SLIT3: variants seen among roughly 807,000 people sequenced by gnomAD.
SLIT3 encodes slit guidance ligand 3, also known as slit homolog 3 protein.
In SLIT3, 68 loss-of-function variants were observed where a neutral mutation model predicts 184.0. That is an observed-to-expected ratio of 0.37 (90% CI 0.30 to 0.45). The LOEUF (loss-of-function observed/expected upper bound fraction) is 0.45. Ranked by LOEUF, SLIT3 falls within the 20% of genes least tolerant of loss-of-function variation. The pLI, the probability that SLIT3 is intolerant of heterozygous loss-of-function variation, is 1.00. For synonymous variants in SLIT3, 831 were observed against 828.6 expected, an observed-to-expected ratio of 1.00 and a Z score of -0.05; for missense variants, 1,707 against 2,026.0, an observed-to-expected ratio of 0.84 and a Z score of 3.02.
At chr5:169,224,073 A>G (rs1045159520) in intron 3 of SLIT3, among the ~76,000 whole-genome samples, 2 of 152,228 alleles carry the variant, frequency 1.3e-5, no homozygotes, top group Non-Finnish European at 2.9e-5. Flanking sequence ...CTTTGAAGCT[A>G]AAGAGAGCTG....
chr5:169,126,343 G>A (rs908339036), intron 4 of SLIT3, among the ~76,000 whole-genome samples: 1 of 152,176 alleles, frequency 6.6e-6, no homozygotes, highest in African/African-American at 2.4e-5. Flanking sequence ...AGAGGGAAAG[G>A]AGAAAGAGAG....
chr5:168,968,594 A>C (rs1213240232), intron 4 of SLIT3, among the ~76,000 whole-genome samples: 1 of 152,232 alleles, frequency 6.6e-6, no homozygotes, highest in African/African-American at 2.4e-5. Flanking sequence ...CTGGGGAGAC[A>C]TGACATAAAA....
intron 21 of SLIT3, 32 bp downstream of exon 21, chr5:168,724,384 A>G: frequency 6.3e-7 from 1 of 1,589,576 alleles, no homozygotes; most frequent in South Asian, 1.1e-5. Flanking sequence ...GCAGGGAAAA[A>G]TAAACATCCC....
At chr5:168,807,805 G>A (rs1757023384) in intron 8 of SLIT3, among the ~76,000 whole-genome samples, 1 of 152,176 alleles carries the variant, frequency 6.6e-6, no homozygotes, top group East Asian at 1.9e-4. Flanking sequence ...AAGCCAGAGT[G>A]GGTCTAGCTA....
At chr5:169,146,001 A>G (rs1486213029) in intron 4 of SLIT3, among the ~76,000 whole-genome samples, 1 of 152,320 alleles carries the variant, frequency 6.6e-6, no homozygotes, top group East Asian at 1.9e-4. Context: ...CAGTGAGCCG[A>G]GATCGCACCA....
intron 4 of SLIT3, among the ~76,000 whole-genome samples, chr5:169,107,644 T>C (rs1237442254): frequency 1.3e-5 from 2 of 152,212 alleles, no homozygotes; most frequent in African/African-American, 4.8e-5. Flanking sequence ...CCTGGGAATG[T>C]GCAGAAGGCT....
intron 3 of SLIT3, among the ~76,000 whole-genome samples, chr5:169,226,639 C>T (rs888674662): frequency 4.6e-5 from 7 of 152,096 alleles, no homozygotes; most frequent in Non-Finnish European, 8.8e-5. Flanking sequence ...GTGTGAGACA[C>T]AGTAGGTGTT....
At chr5:168,737,066 G>A (rs1763460856) in intron 20 of SLIT3, among the ~76,000 whole-genome samples, 1 of 152,170 alleles carries the variant, frequency 6.6e-6, no homozygotes, top group African/African-American at 2.4e-5. Context: ...GTGGTTTGTA[G>A]CATAGGCAGG....
chr5:169,187,555 C>CTTT (rs796812191), intron 4 of SLIT3, among the ~76,000 whole-genome samples: 11 of 89,044 alleles, frequency 1.2e-4, no homozygotes, highest in South Asian at 2.9e-4. Context: ...TTCTTTCTTT[C>CTTT]TTTCTTTTTT....
intron 18 of SLIT3, among the ~76,000 whole-genome samples, chr5:168,752,154 G>A (rs1754739267): frequency 6.6e-6 from 1 of 152,166 alleles, no homozygotes; most frequent in Admixed American, 6.5e-5. Flanking sequence ...CAGCAGTCCT[G>A]CAGCCTGACC....
At chr5:168,980,459 A>T (rs1754910271) in intron 4 of SLIT3, among the ~76,000 whole-genome samples, 1 of 152,202 alleles carries the variant, frequency 6.6e-6, no homozygotes, top group Admixed American at 6.5e-5. Context: ...ATACAAGGAA[A>T]TTGAGGCTCA....
intron 1 of SLIT3, among the ~76,000 whole-genome samples, chr5:169,293,686 A>C (rs1009644880): frequency 2.0e-5 from 3 of 152,206 alleles, no homozygotes; most frequent in Non-Finnish European, 4.4e-5. Flanking sequence ...TGGGCCCCAG[A>C]GTCTGGCTCT....
At chr5:168,872,778 C>T (rs1337716506) in intron 5 of SLIT3, among the ~76,000 whole-genome samples, 1 of 151,600 alleles carries the variant, frequency 6.6e-6, no homozygotes, top group Admixed American at 6.6e-5. Context: ...GTAGCTGGGA[C>T]TACAGGCACC....
intron 14 of SLIT3, among the ~76,000 whole-genome samples, chr5:168,771,412 C>G (rs1755545814): frequency 6.6e-6 from 1 of 152,094 alleles, no homozygotes; most frequent in Non-Finnish European, 1.5e-5. Flanking sequence ...CCAAAATGAA[C>G]CTGAGGTTTA....
chr5:169,199,641 A>C (rs950072486), intron 3 of SLIT3, among the ~76,000 whole-genome samples: 1 of 152,154 alleles, frequency 6.6e-6, no homozygotes, highest in African/African-American at 2.4e-5. Context: ...TAGCATCCCT[A>C]TATTTAGGAA....
intron 3 of SLIT3, among the ~76,000 whole-genome samples, chr5:169,203,242 G>C (rs1244641517): frequency 1.3e-5 from 2 of 152,146 alleles, no homozygotes; most frequent in African/African-American, 4.8e-5. Flanking sequence ...GGTCTCTGGG[G>C]AGCCCCAGAA....
At chr5:168,904,730 C>G (rs1194893364) in intron 4 of SLIT3, among the ~76,000 whole-genome samples, 2 of 152,264 alleles carry the variant, frequency 1.3e-5, no homozygotes, top group East Asian at 3.9e-4. Flanking sequence ...AAACCCCAAA[C>G]AAGAGGGATC....
chr5:169,066,915 C>T (rs1758365750), intron 4 of SLIT3, among the ~76,000 whole-genome samples: 1 of 136,754 alleles, frequency 7.3e-6, no homozygotes, highest in South Asian at 2.3e-4. Context: ...TGATATATTG[C>T]TAAGGCAACA....
intron 4 of SLIT3, 78 bp downstream of exon 4, chr5:169,193,401 C>A (rs554669052): frequency 8.2e-7 from 1 of 1,218,110 alleles, no homozygotes; most frequent in South Asian, 1.2e-5. Context: ...CACGGCACGG[C>A]GCTCCACAAA....
Sources: gnomAD v4.1 joint callset for allele counts (sites outside exome capture counted in the v4.1 genomes callset) on GRCh38, gnomAD v4.1.1 for gene constraint, MANE v1.5 for transcripts, NCBI Gene and HGNC (gene_info 2026-07-23, HGNC 2026-07-21) for gene names.